Variants in ARHGEF18 observed in about 807,000 individuals in gnomAD.
ARHGEF18 encodes rho guanine nucleotide exchange factor 18.
Under a neutral mutation model 155.7 loss-of-function variants are expected in ARHGEF18, and 93 were observed. The ratio of observed to expected loss-of-function variants is 0.60; its 90% CI spans 0.50 to 0.71. The LOEUF (loss-of-function observed/expected upper bound fraction) is 0.71, where lower values mean the gene tolerates loss of function less well. ARHGEF18 is among the 30% of genes least tolerant of loss of function. ARHGEF18 has a pLI of 0.00. For synonymous variants in ARHGEF18, 742 were observed against 753.1 expected (o/e 0.99, Z 0.24); for missense variants, 1,593 against 1,816.1 (o/e 0.88, Z 2.23).
chr19:7,377,372 TCTGA>T (rs138703213), intron 5 of ARHGEF18, among the ~76,000 whole-genome samples: 2,421 of 152,170 alleles, frequency 0.016, 41 homozygotes, highest in African/African-American at 0.041. Context: ...CGCCCAGCAT[TCTGA>T]CTATTTCTTT....
rs80294778 is a variant in ARHGEF18, at chr19:7,406,692, A to T, written c.967+23489A>T. ...CTCACACTGTTGCAGTTCTAAAAGG[A>T]ATGCTAATGAAGGTCTTTGCAAGGT... On this transcript the variant is annotated intron_variant, in intron 10 of 28. Transcript: ENST00000668164. Among the ~76,000 whole-genome samples the T allele has an allele frequency of 9.0e-3, 1,363 of 152,248 alleles. 26 individuals are homozygous for T. Among genetic ancestry groups the T allele is most frequent in the African/African-American group, 0.032 (1,313 of 41,538 alleles).
intron 19 of ARHGEF18, among the ~76,000 whole-genome samples, chr19:7,459,131 G>T (rs1475975943): frequency 6.6e-6 from 1 of 151,920 alleles, no homozygotes; most frequent in Non-Finnish European, 1.5e-5. Context: ...TGCAGCCTCC[G>T]CCTCCCAGGT....
downstream of ARHGEF18, among the ~76,000 whole-genome samples, chr19:7,473,912 G>A (rs565376484): frequency 2.5e-3 from 384 of 151,658 alleles, 1 homozygote; most frequent in African/African-American, 9.1e-3. Flanking sequence ...GAGCCTAGGG[G>A]TTCAAAGTTG....
Position 7,386,718 on chromosome 19 carries a change from A to C in ARHGEF18, c.967+3515A>C, listed in dbSNP as rs557478153. 2.6e-5 allele frequency among the ~76,000 whole-genome samples: 4 copies of C among 152,144 alleles called. No individual in the cohort carries two copies. The South Asian group carries it at 8.3e-4, about 32-fold the overall frequency. On this transcript the variant is annotated intron_variant, in intron 10 of 28. Coordinates refer to ENST00000668164, the MANE Select transcript of ARHGEF18 (RefSeq NM_001367823.1). The stretch of plus-strand genomic sequence containing the variant: ...CCTGTTGCAGGTCACACAAATGTGC[A>C]TGCCTGCCCCCATCTGAGCCATTGC...
In ARHGEF18 at chr19:7,409,054, TTTC is replaced by T. The variant is rs1470171175; in HGVS notation, c.967+25854_967+25856del. ...CAGCCTGGGCAAGAGCAAGACCCTG[TTTC>T]TTTTTTTTTTTTTTTTTTTTGAGTT... On this transcript the variant is annotated intron_variant, in intron 10 of 28. Transcript: ENST00000668164. Among the ~76,000 whole-genome samples, 842 of 146,482 alleles carry T rather than the reference TTTC, an allele frequency of 5.7e-3. 8 individuals carry two copies. Among genetic ancestry groups the T allele is most frequent in the African/African-American group, 0.021 (805 of 37,896 alleles).
intron 18 of ARHGEF18, 98 bp downstream of exon 18, chr19:7,456,501 G>C: frequency 1.8e-6 from 2 of 1,110,488 alleles, no homozygotes; most frequent in Non-Finnish European, 2.7e-6. Flanking sequence ...CAGATCACTT[G>C]AGGTCAAGAG....
chr19:7,430,580 G>A (rs1973898921), intron 10 of ARHGEF18, among the ~76,000 whole-genome samples: 1 of 151,962 alleles, frequency 6.6e-6, no homozygotes, highest in African/African-American at 2.4e-5. Flanking sequence ...GAGGTGGGAG[G>A]ACAGCTAAAG....
At chr19:7,403,971 A>C (rs1201217054) in intron 10 of ARHGEF18, among the ~76,000 whole-genome samples, 1 of 130,898 alleles carries the variant, frequency 7.6e-6, no homozygotes, top group African/African-American at 4.6e-5. Context: ...AGGCTGAGGC[A>C]GGAGAATCAC....
chr19:7,436,043 G>A (rs949877435), intron 10 of ARHGEF18, among the ~76,000 whole-genome samples: 1 of 152,030 alleles, frequency 6.6e-6, no homozygotes, highest in Non-Finnish European at 1.5e-5. Flanking sequence ...TCACTGTGTT[G>A]CCCAGACTGG....
chr19:7,362,198 AGAAGAAGGAGAAAAGAAGAGG>A (rs1969644696), intron 1 of ARHGEF18, among the ~76,000 whole-genome samples: 1 of 127,402 alleles, frequency 7.8e-6, no homozygotes, highest in Non-Finnish European at 1.5e-5. Flanking sequence ...AAGAAGGAGA[AGAAGAAGGAGAAAAGAAGAGG>A]AAGAAGAGGA....
chr19:7,378,489 G>T (rs939705884), intron 6 of ARHGEF18, 38 bp downstream of exon 6: 2 of 1,232,436 alleles, frequency 1.6e-6, no homozygotes, highest in Admixed American at 8.4e-5. Flanking sequence ...GGACCCCCAG[G>T]GAACAGGCCA....
intron 1 of ARHGEF18, among the ~76,000 whole-genome samples, chr19:7,350,230 C>T (rs1365448541): frequency 6.6e-6 from 1 of 152,144 alleles, no homozygotes; most frequent in African/African-American, 2.4e-5. Context: ...CTTCAGGCAC[C>T]CTGAGGTCTA....
At chr19:7,351,587 T>TG (rs2145306461) in intron 1 of ARHGEF18, among the ~76,000 whole-genome samples, 1 of 152,126 alleles carries the variant, frequency 6.6e-6, no homozygotes, top group East Asian at 1.9e-4. Context: ...CCTCCCAAAG[T>TG]GCTGGGATTA....
In ARHGEF18 at chr19:7,350,110, C is replaced by T. The variant is rs74855385; in HGVS notation, c.-111+869C>T. Among the ~76,000 whole-genome samples, 874 of 152,266 alleles carry T rather than the reference C, an allele frequency of 5.7e-3. 4 individuals are homozygous for T. Among genetic ancestry groups the T allele is most frequent in the Middle Eastern group, 0.014 (4 of 294 alleles). Reference sequence around the variant, plus strand: ...CGTGGCCCCTTCTTAGGGGGACCTCCTGCACCACCGCCTGCCTGGGACTGG... The same window carrying T: ...CGTGGCCCCTTCTTAGGGGGACCTCTTGCACCACCGCCTGCCTGGGACTGG... On this transcript the variant is annotated intron_variant, in intron 1 of 28. Coordinates refer to ENST00000668164, the MANE Select transcript of ARHGEF18 (RefSeq NM_001367823.1).
chr19:7,466,003 G>A (rs1398533828), intron 23 of ARHGEF18, among the ~76,000 whole-genome samples: 1 of 151,942 alleles, frequency 6.6e-6, no homozygotes, highest in Non-Finnish European at 1.5e-5. Context: ...AGAATCGCTT[G>A]AACCTAGGAG....
At chr19:7,367,256 C>CCATA (rs1969926144) in intron 2 of ARHGEF18, among the ~76,000 whole-genome samples, 1 of 152,090 alleles carries the variant, frequency 6.6e-6, no homozygotes, top group African/African-American at 2.4e-5. Context: ...ACAACAGTTA[C>CCATA]CATAGCAGGA....
chr19:7,470,173 G>A lies in ARHGEF18; in HGVS notation c.3961G>A (p.Glu1321Lys), dbSNP rs767849235. The change falls in exon 29 of 29, where the codon GAG becomes AAG. Residue 1321 changes from glutamate to lysine, a missense_variant. Glu to Lys is a moderately conservative substitution (Grantham distance 56). Coordinates refer to ENST00000668164, the MANE Select transcript of ARHGEF18 (RefSeq NM_001367823.1). This position sits in a 1 kb window ranked among gnomAD's most constrained non-coding sequence, Gnocchi z 5.9. ...PSPPPADSPS[E>K]GFSLKAGGTA... ...CCCACCGCCAGCTGACAGCCCCTCC[G>A]AGGGCTTCTCTCTCAAGGCCGGGGG... is the stretch of plus-strand genomic sequence containing the variant. The A allele has an allele frequency of 2.9e-5, 47 of 1,611,954 alleles. No homozygotes were observed. The highest frequency in any genetic ancestry group is 4.5e-5 in the East Asian group (2 of 44,822).
chr19:7,444,233 C>T lies in ARHGEF18; in HGVS notation c.1390C>T (p.Arg464Trp), dbSNP rs769110620. 8.1e-6 allele frequency: 13 copies of T among 1,613,390 alleles called. No homozygotes were observed. The highest frequency in any genetic ancestry group is 2.7e-5 in the African/African-American group (2 of 74,940). Residue 464 changes from arginine to tryptophan, a missense_variant, in exon 14 of 29, where the codon CGG (arginine) becomes TGG (tryptophan). Transcript: ENST00000668164. This position sits in a 1 kb window ranked among gnomAD's most constrained non-coding sequence, Gnocchi z 4.7. ...ELMQTEVHHV[R>W]TLKIMLKVYS... ...GATGCAGACAGAGGTGCACCACGTG[C>T]GGACGCTCAAGATCATGCTGAAGGT...
chr19:7,450,624 A>AGATGTTAATGTGGATCTTGC (rs1568347711), intron 15 of ARHGEF18, among the ~76,000 whole-genome samples: 2 of 4,838 alleles, frequency 4.1e-4, no homozygotes, highest in Admixed American at 1.9e-3. Flanking sequence ...CTTGCTTTCC[A>AGATGTTAATGTGGATCTTGC]TTTCCATTTC....
Sources: allele counts gnomAD v4.1 joint callset (sites outside exome capture counted in the v4.1 genomes callset), GRCh38; gene constraint gnomAD v4.1.1; non-coding constraint Gnocchi (gnomAD v3.1); transcripts MANE v1.5; gene names NCBI Gene and HGNC (gene_info 2026-07-23, HGNC 2026-07-21).